DNAH9: variants seen among roughly 807,000 people sequenced by gnomAD.
The protein encoded by DNAH9 is dynein axonemal heavy chain 9, also known as DNAH9 variant protein.
DNAH9 carries 345 observed loss-of-function variants against 471.6 expected under a neutral mutation model. The observed-to-expected ratio is 0.73, with a 90% CI of 0.67 to 0.80. The LOEUF (loss-of-function observed/expected upper bound fraction) is 0.80, where lower values mean the gene tolerates loss of function less well. Among genes scored for constraint, DNAH9 ranks in the 30% least tolerant of loss-of-function variants. DNAH9 has a pLI of 0.00. For missense variants in DNAH9, 5,407 were observed against 5,609.2 expected, an observed-to-expected ratio of 0.96 and a Z score of 1.15; for synonymous variants, 2,093 against 2,123.6, an observed-to-expected ratio of 0.99 and a Z score of 0.40.
intron 27 of DNAH9, among the ~76,000 whole-genome samples, chr17:11,725,456 C>A (rs1178321159): frequency 6.6e-6 from 1 of 152,228 alleles, no homozygotes; most frequent in Non-Finnish European, 1.5e-5. Context: ...TGACCTAGAA[C>A]AATCTCTGGC....
intron 17 of DNAH9, among the ~76,000 whole-genome samples, chr17:11,676,371 C>T (rs1219334429): frequency 6.7e-6 from 1 of 149,646 alleles, no homozygotes; most frequent in Non-Finnish European, 1.5e-5. Context: ...CAACCTCCAC[C>T]TCCCGGGTTC....
chr17:11,670,027 AGG>A (rs1233129595), intron 17 of DNAH9, among the ~76,000 whole-genome samples: 1 of 152,148 alleles, frequency 6.6e-6, no homozygotes, highest in East Asian at 1.9e-4. Flanking sequence ...AGTGTGTGAA[AGG>A]CACGTGGTTA....
At chr17:11,908,668 C>T (rs1023693352) in intron 61 of DNAH9, among the ~76,000 whole-genome samples, 9 of 152,184 alleles carry the variant, frequency 5.9e-5, no homozygotes, top group Admixed American at 4.6e-4. Context: ...CCACATCAAA[C>T]GAAGTAACAT....
intron 63 of DNAH9, among the ~76,000 whole-genome samples, chr17:11,930,415 G>A (rs1024009815): frequency 6.6e-6 from 1 of 152,112 alleles, no homozygotes; most frequent in Admixed American, 6.5e-5. Flanking sequence ...GATACACTGG[G>A]TCACACACTG....
At chr17:11,682,263 A>G (rs756803598) in intron 19 of DNAH9, among the ~76,000 whole-genome samples, 1 of 151,792 alleles carries the variant, frequency 6.6e-6, no homozygotes, top group Non-Finnish European at 1.5e-5. Flanking sequence ...AGATAGCAGC[A>G]TTTTCGAGGT....
chr17:11,699,261 T>C (rs2074550099), intron 22 of DNAH9, among the ~76,000 whole-genome samples: 1 of 150,368 alleles, frequency 6.7e-6, no homozygotes, highest in African/African-American at 2.4e-5. Flanking sequence ...AAAATAAAAA[T>C]AAAAAAAGAC....
At chr17:11,903,689 C>A (rs1018747462) in intron 60 of DNAH9, among the ~76,000 whole-genome samples, 2 of 151,876 alleles carry the variant, frequency 1.3e-5, no homozygotes, top group African/African-American at 4.8e-5. Flanking sequence ...GGCGGCGGAT[C>A]GCTTAAGGTC....
At position 11,891,843 on chromosome 17, in the gene DNAH9, G is replaced by A; in HGVS notation, c.11179G>A (p.Val3727Met). The A allele has an allele frequency of 6.2e-7, 1 of 1,614,122 alleles. No individual in the cohort carries two copies. The highest frequency in any genetic ancestry group is 8.5e-7 in the Non-Finnish European group (1 of 1,180,014). Residue 3727 changes from valine (V) to methionine (M), a missense_variant, in exon 58 of 69, where the codon GTG becomes ATG. Val to Met is a conservative substitution (Grantham distance 21). This residue lies in a region of DNAH9 where 4,636 missense variants were observed against 4,900.3 expected (regional missense o/e 0.95). Transcript: ENST00000262442. ...TCCTGACGAAAGCCTCAGGGAGCGG[G>A]TGGCCAACCTAATAGACAGCATAAC... Reference protein sequence around the residue: ...AAPDESLRERVANLIDSITFS... With the variant: ...AAPDESLRERMANLIDSITFS...
chr17:11,771,788 C>A (rs77127077), intron 38 of DNAH9, among the ~76,000 whole-genome samples: 5,326 of 152,194 alleles, frequency 0.035, 154 homozygotes, highest in East Asian at 0.13. Flanking sequence ...ACTACTACTA[C>A]TAATAATAAT....
At chr17:11,704,530 T>A in intron 25 of DNAH9, 88 bp downstream of exon 25, 1 of 1,383,002 alleles carries the variant, frequency 7.2e-7, no homozygotes, top group Non-Finnish European at 9.9e-7. Context: ...GGCCCCAGGG[T>A]CTGTACAGCA....
intron 36 of DNAH9, 79 bp from the exon 37 acceptor site, chr17:11,768,374 C>T: frequency 2.1e-6 from 3 of 1,441,546 alleles, no homozygotes; most frequent in Non-Finnish European, 2.9e-6. Context: ...CCCTGACCTT[C>T]TATCTGACGC....
intron 62 of DNAH9, among the ~76,000 whole-genome samples, chr17:11,927,351 A>T (rs1974366298): frequency 6.6e-6 from 1 of 152,100 alleles, no homozygotes; most frequent in Non-Finnish European, 1.5e-5. Flanking sequence ...GTCCTGACTG[A>T]TATTGCTAGA....
intron 67 of DNAH9, among the ~76,000 whole-genome samples, chr17:11,948,943 A>G (rs1030874630): frequency 3.3e-5 from 5 of 152,170 alleles, no homozygotes; most frequent in Admixed American, 6.5e-5. Flanking sequence ...CGCCCGCTGC[A>G]TGACCGTGAG....
At chr17:11,745,305 C>A (rs1043201847) in intron 31 of DNAH9, among the ~76,000 whole-genome samples, 2 of 152,146 alleles carry the variant, frequency 1.3e-5, no homozygotes, top group Non-Finnish European at 2.9e-5. Flanking sequence ...TACTTTACAG[C>A]CCTTCCATTC....
intron 1 of DNAH9, 61 bp downstream of exon 1, chr17:11,598,976 TTAA>T: frequency 1.5e-6 from 2 of 1,311,276 alleles, no homozygotes; most frequent in Non-Finnish European, 1.0e-6. Context: ...AGGAGGAGCC[TTAA>T]GGGACGGAGG....
At chr17:11,767,212 C>T (rs762258974) in intron 36 of DNAH9, among the ~76,000 whole-genome samples, 13 of 152,082 alleles carry the variant, frequency 8.5e-5, no homozygotes, top group Non-Finnish European at 1.5e-4. Context: ...TAGAGGTGGC[C>T]TTCATCTCAG....
chr17:11,898,969 A>G (rs1973310537), intron 59 of DNAH9, among the ~76,000 whole-genome samples: 4 of 152,198 alleles, frequency 2.6e-5, no homozygotes, highest in African/African-American at 9.7e-5. Flanking sequence ...TTTGCCAACT[A>G]GGGAAGCTTT....
At chr17:11,753,215 G>C (rs1174756672) in intron 33 of DNAH9, among the ~76,000 whole-genome samples, 1 of 152,194 alleles carries the variant, frequency 6.6e-6, no homozygotes, top group African/African-American at 2.4e-5. Flanking sequence ...TCTGCACATA[G>C]ACTCTTTAGT....
In DNAH9 at chr17:11,652,867, A is replaced by G. The variant is rs183413359; in HGVS notation, c.2460A>G (p.Thr820=). 2.7e-5 allele frequency: 44 copies of G among 1,614,176 alleles called. No homozygotes were observed. The African/African-American group carries it at 4.7e-4, about 17-fold the overall frequency. Residue 820 remains threonine, a synonymous_variant, in exon 14 of 69, where the codon ACA becomes ACG. Coordinates refer to ENST00000262442, the MANE Select transcript of DNAH9 (RefSeq NM_001372.4). ...NVEEIQNIMK[T]WVTPIFKTKD... is the part of the protein sequence containing the mutation. ...AAGAGATCCAAAACATCATGAAAAC[A>G]TGGGTGACTCCAATATTTAAGACAA...
Sources: gnomAD v4.1 joint callset for allele counts (sites outside exome capture counted in the v4.1 genomes callset) on GRCh38, gnomAD v4.1.1 for gene constraint, gnomAD v4.1.1 regional missense constraint, MANE v1.5 for transcripts, NCBI Gene and HGNC (gene_info 2026-07-23, HGNC 2026-07-21) for gene names.